STK32B: variants seen among roughly 807,000 people sequenced by gnomAD.
The protein encoded by STK32B is serine/threonine kinase 32B.
Under a neutral mutation model 52.6 loss-of-function variants are expected in STK32B, and 43 were observed. The observed-to-expected ratio is 0.82, with a 90% CI of 0.64 to 1.05. The LOEUF is 1.05. STK32B is among the 50% of genes least tolerant of loss of function. STK32B has a pLI of 0.00. For missense variants in STK32B, 621 were observed against 534.6 expected, an observed-to-expected ratio of 1.16 and a Z score of -1.59; for synonymous variants, 238 against 204.3, an observed-to-expected ratio of 1.17 and a Z score of -1.41.
At chr4:5,439,064 T>C (rs535241481) in intron 6 of STK32B, among the ~76,000 whole-genome samples, 3,207 of 149,236 alleles carry the variant, frequency 0.021, 48 homozygotes, top group South Asian at 0.054. Context: ...AATAAACATA[T>C]GTGTGCATGT....
At chr4:5,371,692 A>G (rs1209978387) in intron 4 of STK32B, among the ~76,000 whole-genome samples, 4 of 152,342 alleles carry the variant, frequency 2.6e-5, no homozygotes, top group Middle Eastern at 3.4e-3. Flanking sequence ...CTTGCATACC[A>G]CAGGGTCTTT....
intron 1 of STK32B, among the ~76,000 whole-genome samples, chr4:5,128,901 G>T (rs1715578505): frequency 6.6e-6 from 1 of 152,238 alleles, no homozygotes; most frequent in Admixed American, 6.5e-5. Context: ...ACAGGGTGCA[G>T]TTGGAATTTC....
At chr4:5,338,356 T>A (rs1732843343) in intron 4 of STK32B, among the ~76,000 whole-genome samples, 2 of 152,240 alleles carry the variant, frequency 1.3e-5, no homozygotes, top group Non-Finnish European at 1.5e-5. Flanking sequence ...GCAGGCATTC[T>A]GGTTCTGGAA....
the STK32B span, among the ~76,000 whole-genome samples, chr4:5,038,686 T>G: frequency 6.6e-6 from 1 of 152,134 alleles, no homozygotes; most frequent in African/African-American, 2.4e-5. Context: ...TTGGATAGGG[T>G]ACTTACAATG....
At chr4:5,352,100 G>C (rs2108986530) in intron 4 of STK32B, among the ~76,000 whole-genome samples, 1 of 152,144 alleles carries the variant, frequency 6.6e-6, no homozygotes, top group African/African-American at 2.4e-5. Context: ...ATTCTATGAG[G>C]ACAGCATTAC....
At chr4:5,242,631 T>G (rs553421390) in intron 3 of STK32B, among the ~76,000 whole-genome samples, 143 of 152,310 alleles carry the variant, frequency 9.4e-4, no homozygotes, top group African/African-American at 3.1e-3. Flanking sequence ...CTTTTGGTGT[T>G]TTAGACATGA....
chr4:5,237,745 C>T (rs538587976), intron 3 of STK32B, among the ~76,000 whole-genome samples: 1 of 152,284 alleles, frequency 6.6e-6, no homozygotes, highest in African/African-American at 2.4e-5. Context: ...AGCCTCCCCC[C>T]ATCATGGCCA....
intron 11 of STK32B, among the ~76,000 whole-genome samples, chr4:5,490,893 G>T (rs112147673): frequency 3.9e-5 from 6 of 152,248 alleles, no homozygotes; most frequent in Admixed American, 2.0e-4. Context: ...TCCCTACAAA[G>T]GACATGAACT....
chr4:5,229,224 T>TTC (rs1724080691), intron 3 of STK32B, among the ~76,000 whole-genome samples: 1 of 151,398 alleles, frequency 6.6e-6, no homozygotes, highest in African/African-American at 2.4e-5. Flanking sequence ...TATATTTAGT[T>TTC]TTTTTTTTCC....
intron 3 of STK32B, among the ~76,000 whole-genome samples, chr4:5,216,358 A>G (rs575817086): frequency 6.6e-6 from 1 of 152,314 alleles, no homozygotes; most frequent in East Asian, 1.9e-4. Flanking sequence ...CACAGCAGAC[A>G]CAGTGCTTAC....
At chr4:5,212,742 A>G (rs1008022215) in intron 3 of STK32B, among the ~76,000 whole-genome samples, 1 of 152,184 alleles carries the variant, frequency 6.6e-6, no homozygotes, top group Admixed American at 6.5e-5. Context: ...TGTGCATTCA[A>G]TTTGGACATA....
intron 6 of STK32B, among the ~76,000 whole-genome samples, chr4:5,440,583 G>A (rs1714633881): frequency 6.6e-6 from 1 of 152,156 alleles, no homozygotes; most frequent in Non-Finnish European, 1.5e-5. Flanking sequence ...TTTCCTAATT[G>A]AATACCCTTT....
chr4:5,318,291 T>C (rs28369605), intron 3 of STK32B, among the ~76,000 whole-genome samples: 1 of 151,846 alleles, frequency 6.6e-6, no homozygotes, highest in Admixed American at 6.6e-5. Context: ...TGGGGCTTCT[T>C]AAAACAGGCA....
At chr4:5,039,187 G>T in the STK32B span, among the ~76,000 whole-genome samples, 324 of 152,074 alleles carry the variant, frequency 2.1e-3, 1 homozygote, top group African/African-American at 7.5e-3. Context: ...TAGAGATGGG[G>T]TCTTGCTATG....
chr4:5,056,433 T>C (rs1189020021), intron 1 of STK32B, among the ~76,000 whole-genome samples: 1 of 152,242 alleles, frequency 6.6e-6, no homozygotes, highest in Non-Finnish European at 1.5e-5. Context: ...ACATAATAGA[T>C]GCCTGGTAAT....
At chr4:5,182,132 C>T (rs1253497801) in intron 3 of STK32B, among the ~76,000 whole-genome samples, 1 of 152,216 alleles carries the variant, frequency 6.6e-6, no homozygotes, top group Non-Finnish European at 1.5e-5. Context: ...CAACTCCTCA[C>T]CTGTTCAAGT....
chr4:5,449,733 A>G (rs2011642), intron 7 of STK32B, among the ~76,000 whole-genome samples: 45,917 of 152,012 alleles, frequency 0.3, 7,995 homozygotes, highest in East Asian at 0.81. Context: ...TCAGGTCAGC[A>G]GTAGCATTAG....
chr4:5,293,505 C>G (rs902630921), intron 3 of STK32B, among the ~76,000 whole-genome samples: 1 of 152,142 alleles, frequency 6.6e-6, no homozygotes, highest in African/African-American at 2.4e-5. Flanking sequence ...GATGGTATCT[C>G]ATTGCAGTTT....
intron 4 of STK32B, among the ~76,000 whole-genome samples, chr4:5,351,907 T>C (rs1324250652): frequency 6.6e-6 from 1 of 151,932 alleles, no homozygotes; most frequent in East Asian, 1.9e-4. Flanking sequence ...CAGGAAGAAA[T>C]GGAAAACCTG....
Sources: gnomAD v4.1 joint callset for allele counts (sites outside exome capture counted in the v4.1 genomes callset) on GRCh38, gnomAD v4.1.1 for gene constraint, MANE v1.5 for transcripts, NCBI Gene and HGNC (gene_info 2026-07-23, HGNC 2026-07-21) for gene names.